Variants in SEMA3A observed in about 807,000 individuals in gnomAD.
SEMA3A encodes the protein semaphorin-3A.
A neutral mutation model predicts 97.9 loss-of-function variants in SEMA3A; 29 were observed. The ratio of observed to expected loss-of-function variants is 0.30; its 90% confidence interval spans 0.22 to 0.40. The LOEUF (loss-of-function observed/expected upper bound fraction) is 0.40, where lower values mean the gene tolerates loss of function less well. SEMA3A is among the 10% of genes least tolerant of loss of function. The probability of loss-of-function intolerance (pLI) is 1.00; values close to 1 mark genes in which losing one functional copy is unlikely to be tolerated. For synonymous variants in SEMA3A, 321 were observed against 323.7 expected (o/e 0.99, Z 0.09); for missense variants, 763 against 951.3 (o/e 0.80, Z 2.60).
At chr7:84,056,767 A>T (rs558086023) in intron 5 of SEMA3A, among the ~76,000 whole-genome samples, 1 of 152,254 alleles carries the variant, frequency 6.6e-6, no homozygotes, top group African/African-American at 2.4e-5. Context: ...TAAAATTAAA[A>T]TTTTTCAACA....
chr7:84,077,324 T>C (rs1275448785), intron 4 of SEMA3A, among the ~76,000 whole-genome samples: 1 of 152,146 alleles, frequency 6.6e-6, no homozygotes, highest in African/African-American at 2.4e-5. Flanking sequence ...TCAATGTTTT[T>C]AGTTCCAAAT....
intron 1 of SEMA3A, among the ~76,000 whole-genome samples, chr7:84,162,976 A>G (rs1263488395): frequency 6.6e-6 from 1 of 152,202 alleles, no homozygotes; most frequent in Non-Finnish European, 1.5e-5. Context: ...TGCATTAGGA[A>G]TTGCATACCA....
intron 1 of SEMA3A, among the ~76,000 whole-genome samples, chr7:84,141,412 CTAA>C (rs1796287735): frequency 6.6e-6 from 1 of 152,118 alleles, no homozygotes; most frequent in Admixed American, 6.5e-5. Flanking sequence ...GTTCTGTACT[CTAA>C]TGTCTCTATC....
rs1789419656 is a variant in SEMA3A at position 83,981,584 on chromosome 7, G to C, written c.1495-106C>G. The C allele has an allele frequency of 7.0e-6, 7 of 1,007,158 alleles. 1 individual carries two copies. The South Asian group carries it at 1.8e-4, about 26-fold the overall frequency. The allele number at this position is 1,007,158 out of a possible 1,614,324, so 62.4% of individuals were successfully genotyped here. On this transcript the variant is annotated intron_variant, in intron 13 of 16. Transcript: ENST00000265362. ...ATATAACTTCTCAGAGATAAATTAA[G>C]GGTTTAAAAAAATCATCCCTTTATT...
At chr7:84,078,334 G>T (rs939557265) in intron 4 of SEMA3A, among the ~76,000 whole-genome samples, 5 of 151,986 alleles carry the variant, frequency 3.3e-5, no homozygotes, top group African/African-American at 4.8e-5. Flanking sequence ...TTTCAAGGGA[G>T]AATTTAATGT....
intron 3 of SEMA3A, among the ~76,000 whole-genome samples, chr7:84,269,723 C>A (rs940863527): frequency 6.6e-6 from 1 of 152,056 alleles, no homozygotes; most frequent in Non-Finnish European, 1.5e-5. Flanking sequence ...AAGCAACTCT[C>A]CACTTAGAGC....
intron 15 of SEMA3A, among the ~76,000 whole-genome samples, chr7:83,964,147 C>T (rs1788581688): frequency 1.3e-5 from 2 of 152,108 alleles, no homozygotes; most frequent in African/African-American, 4.8e-5. Context: ...TAACCTCCTC[C>T]AATGTGGTAA....
intron 1 of SEMA3A, among the ~76,000 whole-genome samples, chr7:84,430,789 TTGTGTGTGTGTGTG>T (rs56814153): frequency 1.3e-4 from 18 of 143,434 alleles, no homozygotes; most frequent in East Asian, 7.9e-4. Flanking sequence ...AACATAAAAT[TTGTGTGTGTGTGTG>T]TGTGTGTGTG....
intron 3 of SEMA3A, among the ~76,000 whole-genome samples, chr7:84,263,998 T>C (rs1191870282): frequency 2.0e-5 from 3 of 152,206 alleles, no homozygotes; most frequent in Non-Finnish European, 4.4e-5. Flanking sequence ...TATTTTTAAA[T>C]GTAAGTTGTA....
chr7:84,017,956 AC>A (rs1791170799), intron 6 of SEMA3A, among the ~76,000 whole-genome samples: 1 of 152,066 alleles, frequency 6.6e-6, no homozygotes, highest in African/African-American at 2.4e-5. Context: ...AGGGTTTAAA[AC>A]CCCATGTACT....
chr7:84,008,295 T>C (rs921585564), intron 9 of SEMA3A, among the ~76,000 whole-genome samples: 1 of 151,928 alleles, frequency 6.6e-6, no homozygotes. Flanking sequence ...ATCGAGACCA[T>C]CCTGGCTAAC....
In SEMA3A at chr7:84,172,147, G is replaced by A. The variant is rs539565385; in HGVS notation, c.112+22328C>T. ...TTAAATAGACCTTCGCTCTCTAAAA[G>A]AGCAAAATGAAAAGCTCAGTCATTT... On this transcript the variant is annotated intron_variant, in intron 1 of 16. Transcript: ENST00000265362. Among the ~76,000 whole-genome samples the A allele has an allele frequency of 2.9e-3, 435 of 152,222 alleles. 1 individual carries two copies. The highest frequency in any genetic ancestry group is 3.9e-3 in the Non-Finnish European group (268 of 68,004).
rs192954024 is a variant in SEMA3A, at chr7:84,435,565, G to T, written c.-246+56895C>A. On this transcript the variant is annotated intron_variant, in intron 1 of 3. Transcript: ENST00000424555. ...GGAAGTTGCAGTGAGCCAAGATCGGGCCAATGCCCTCCAGCCTGGCGACAG... is the reference window on the plus strand; with the variant it reads ...GGAAGTTGCAGTGAGCCAAGATCGGTCCAATGCCCTCCAGCCTGGCGACAG... 2.8e-3 allele frequency among the ~76,000 whole-genome samples: 432 copies of T among 152,256 alleles called. 1 individual carries two copies. The highest frequency in any genetic ancestry group is 5.2e-3 in the Non-Finnish European group (354 of 68,026).
intron 3 of SEMA3A, among the ~76,000 whole-genome samples, chr7:84,296,611 T>C (rs1220297026): frequency 1.3e-5 from 2 of 152,156 alleles, no homozygotes; most frequent in East Asian, 1.9e-4. Context: ...AAAACTGCAA[T>C]TGATTTTTTT....
At chr7:84,299,326 CCATATATATGTA>C (rs1398787772) in intron 3 of SEMA3A, among the ~76,000 whole-genome samples, 112 of 127,124 alleles carry the variant, frequency 8.8e-4, no homozygotes, top group South Asian at 3.7e-3. Flanking sequence ...ATATATATCT[CCATATATATGTA>C]TCTCTCTCTC....
At chr7:84,326,844 G>A (rs571503849) in intron 2 of SEMA3A, among the ~76,000 whole-genome samples, 22 of 152,014 alleles carry the variant, frequency 1.4e-4, no homozygotes, top group African/African-American at 4.8e-4. Context: ...AGACTTAAAT[G>A]TAAAATGCAA....
chr7:84,441,669 A>C (rs979233952), intron 1 of SEMA3A, among the ~76,000 whole-genome samples: 2 of 152,176 alleles, frequency 1.3e-5, no homozygotes, highest in Non-Finnish European at 2.9e-5. Flanking sequence ...AAGAATATAC[A>C]CATTAAAGAA....
intron 15 of SEMA3A, among the ~76,000 whole-genome samples, chr7:83,974,536 G>A (rs931539666): frequency 1.3e-5 from 2 of 152,090 alleles, no homozygotes; most frequent in Admixed American, 6.6e-5. Flanking sequence ...TTCCACATGA[G>A]CACATATATT....
chr7:84,379,126 A>G (rs1398290403), intron 1 of SEMA3A, among the ~76,000 whole-genome samples: 2 of 151,854 alleles, frequency 1.3e-5, no homozygotes, highest in Admixed American at 6.6e-5. Context: ...ACAGGGTTTC[A>G]CCGTGTTAGC....
Sources: allele counts gnomAD v4.1 joint callset (sites outside exome capture counted in the v4.1 genomes callset), GRCh38; gene constraint gnomAD v4.1.1; transcripts MANE v1.5; gene names NCBI Gene and HGNC (gene_info 2026-07-23, HGNC 2026-07-21).